Variants in SUGCT observed in about 807,000 individuals in gnomAD.
SUGCT encodes succinyl-CoA:glutarate CoA-transferase.
A neutral mutation model predicts 55.0 loss-of-function variants in SUGCT; 41 were observed. The ratio of observed to expected loss-of-function variants is 0.74; its 90% CI spans 0.58 to 0.97. The LOEUF (loss-of-function observed/expected upper bound fraction) is 0.97. SUGCT is among the 50% of genes least tolerant of loss of function. SUGCT has a pLI of 0.00. For missense variants in SUGCT, 568 were observed against 547.8 expected (o/e 1.04, Z -0.37); for synonymous variants, 187 against 200.4 (o/e 0.93, Z 0.56).
In SUGCT at chr7:40,429,998, G is replaced by C. The variant is rs139505463; in HGVS notation, c.817-19289G>C. ...AGGCTTATCTAAGTTGTGGCATTTC[G>C]CAAGTTCTTGTTCTTTTTTAAAAGC... On this transcript the variant is annotated intron_variant, in intron 9 of 13. Transcript: ENST00000335693. Among the ~76,000 whole-genome samples the C allele has an allele frequency of 9.9e-5, 15 of 152,166 alleles. No homozygotes were observed. In the East Asian group the frequency reaches 2.5e-3, roughly 25 times the overall value.
the SUGCT span, among the ~76,000 whole-genome samples, chr7:40,902,987 C>A: frequency 2.0e-5 from 3 of 152,030 alleles, no homozygotes; most frequent in African/African-American, 7.2e-5. Context: ...AAGTTCAGAT[C>A]TCCTGACTCC....
At chr7:40,619,333 G>C (rs1412154448) in intron 12 of SUGCT, among the ~76,000 whole-genome samples, 1 of 152,060 alleles carries the variant, frequency 6.6e-6, no homozygotes, top group African/African-American at 2.4e-5. Flanking sequence ...CCATCCTATA[G>C]TAGGCCAGTA....
intron 9 of SUGCT, among the ~76,000 whole-genome samples, chr7:40,417,824 C>T (rs540008510): frequency 4.7e-4 from 71 of 151,732 alleles, no homozygotes; most frequent in African/African-American, 1.6e-3. Context: ...ATCTCTTTGT[C>T]GATGACTGTT....
the SUGCT span, among the ~76,000 whole-genome samples, chr7:41,025,945 G>A: frequency 6.6e-6 from 1 of 152,138 alleles, no homozygotes; most frequent in African/African-American, 2.4e-5. Context: ...GTAAGTCCCA[G>A]AGCAGTCAAA....
At chr7:40,155,095 C>T (rs1237948317) in intron 1 of SUGCT, among the ~76,000 whole-genome samples, 3 of 151,952 alleles carry the variant, frequency 2.0e-5, no homozygotes, top group Non-Finnish European at 2.9e-5. Flanking sequence ...AGACCAGCCT[C>T]GCCAACATGG....
intron 7 of SUGCT, among the ~76,000 whole-genome samples, chr7:40,252,820 T>C (rs1790522381): frequency 6.6e-6 from 1 of 151,808 alleles, no homozygotes; most frequent in African/African-American, 2.4e-5. Flanking sequence ...GCTAATGTTT[T>C]TCAGTTTTTA....
At chr7:40,643,749 G>C (rs1347639962) in intron 12 of SUGCT, among the ~76,000 whole-genome samples, 1 of 152,116 alleles carries the variant, frequency 6.6e-6, no homozygotes. Context: ...ACTGAGGCCC[G>C]TAAAATGGAA....
intron 9 of SUGCT, among the ~76,000 whole-genome samples, chr7:40,410,144 A>G (rs2151339959): frequency 6.6e-6 from 1 of 152,268 alleles, no homozygotes; most frequent in East Asian, 1.9e-4. Flanking sequence ...CTTGTATTAT[A>G]TATATGTCAT....
intron 13 of SUGCT, among the ~76,000 whole-genome samples, chr7:40,853,194 C>T (rs972862892): frequency 6.6e-6 from 1 of 151,758 alleles, no homozygotes; most frequent in Non-Finnish European, 1.5e-5. Context: ...ATAGATACTC[C>T]AAAATTATAT....
intron 8 of SUGCT, among the ~76,000 whole-genome samples, chr7:40,299,451 C>G (rs1160579004): frequency 2.0e-5 from 3 of 152,200 alleles, no homozygotes; most frequent in African/African-American, 7.2e-5. Context: ...GGTGTAAACA[C>G]TCCCACATAG....
chr7:40,693,076 A>G (rs1200305616), intron 12 of SUGCT, among the ~76,000 whole-genome samples: 1 of 152,136 alleles, frequency 6.6e-6, no homozygotes, highest in Non-Finnish European at 1.5e-5. Flanking sequence ...TACTTCTTAA[A>G]CTAAGAATGT....
the SUGCT span, among the ~76,000 whole-genome samples, chr7:41,016,089 T>C: frequency 6.6e-6 from 1 of 152,224 alleles, no homozygotes; most frequent in Non-Finnish European, 1.5e-5. Flanking sequence ...TCCCATGTTC[T>C]AACCATCAGA....
Position 40,662,012 on chromosome 7 carries a change from G to A in SUGCT, c.1090-87422G>A, listed in dbSNP as rs532337829. On this transcript the variant is annotated intron_variant, in intron 12 of 13. Transcript: ENST00000335693. Reference sequence around the variant, plus strand: ...CAAACTGGTATCTCTACTAGAATTCGTAACTCTAAACTGACATGCAAAACA... The same window carrying A: ...CAAACTGGTATCTCTACTAGAATTCATAACTCTAAACTGACATGCAAAACA... Among the ~76,000 whole-genome samples, 3 of 152,220 alleles carry A rather than the reference G, an allele frequency of 2.0e-5. No individual in the cohort carries two copies. The South Asian group carries it at 6.2e-4, about 32-fold the overall frequency.
intron 11 of SUGCT, among the ~76,000 whole-genome samples, chr7:40,487,078 CTTT>C (rs745766266): frequency 1.1e-5 from 1 of 93,934 alleles, no homozygotes; most frequent in Admixed American, 1.3e-4. Context: ...TGATTTCAAT[CTTT>C]TTTTTTTTTT....
At chr7:40,651,601 T>C (rs1584210335) in intron 12 of SUGCT, among the ~76,000 whole-genome samples, 1 of 152,210 alleles carries the variant, frequency 6.6e-6, no homozygotes, top group Admixed American at 6.5e-5. Context: ...CTGTGAACCA[T>C]TGAAACTGCT....
the SUGCT span, among the ~76,000 whole-genome samples, chr7:40,885,703 T>G: frequency 6.6e-6 from 1 of 152,168 alleles, no homozygotes; most frequent in Non-Finnish European, 1.5e-5. Context: ...ACCCCTGACG[T>G]CTTCCTGAGA....
At chr7:40,786,988 G>A (rs1790046680) in intron 13 of SUGCT, among the ~76,000 whole-genome samples, 1 of 152,188 alleles carries the variant, frequency 6.6e-6, no homozygotes, top group African/African-American at 2.4e-5. Context: ...GTAACTGTTT[G>A]ATTCATTTTT....
intron 1 of SUGCT, among the ~76,000 whole-genome samples, chr7:40,167,831 G>C (rs192226197): frequency 6.6e-6 from 1 of 152,308 alleles, no homozygotes; most frequent in African/African-American, 2.4e-5. Flanking sequence ...GCAGCAAACA[G>C]CAGTGGTGGA....
intron 8 of SUGCT, among the ~76,000 whole-genome samples, chr7:40,302,869 C>G (rs1794620232): frequency 6.6e-6 from 1 of 151,942 alleles, no homozygotes; most frequent in African/African-American, 2.4e-5. Context: ...ACTAAGTATT[C>G]ATGACTGTGT....
Sources: gnomAD v4.1 joint callset for allele counts (sites outside exome capture counted in the v4.1 genomes callset) on GRCh38, gnomAD v4.1.1 for gene constraint, MANE v1.5 for transcripts, NCBI Gene and HGNC (gene_info 2026-07-23, HGNC 2026-07-21) for gene names.